DAB1: variants seen among roughly 807,000 people sequenced by gnomAD.
DAB1 encodes DAB adaptor protein 1, also known as disabled homolog 1.
Under a neutral mutation model 64.6 loss-of-function variants are expected in DAB1, and 15 were observed. The ratio of observed to expected loss-of-function variants is 0.23; its 90% CI spans 0.16 to 0.36. DAB1 has a LOEUF of 0.36. DAB1 is among the 10% of genes least tolerant of loss of function. The pLI is 1.00. For missense variants in DAB1, 596 were observed against 706.7 expected (o/e 0.84, Z 1.78); for synonymous variants, 235 against 251.9 (o/e 0.93, Z 0.64).
chr1:57,523,626 A>G (rs1424949750), intron 7 of DAB1, among the ~76,000 whole-genome samples: 1 of 152,186 alleles, frequency 6.6e-6, no homozygotes, highest in Non-Finnish European at 1.5e-5. Flanking sequence ...ACATCCATAA[A>G]AAGGGAACAA....
chr1:58,492,976 T>C (rs1335338812), intron 3 of DAB1, among the ~76,000 whole-genome samples: 1 of 152,134 alleles, frequency 6.6e-6, no homozygotes, highest in Non-Finnish European at 1.5e-5. Flanking sequence ...AAGAGAATTT[T>C]AGACCAATAT....
chr1:58,202,609 T>G (rs1375556595), intron 4 of DAB1, among the ~76,000 whole-genome samples: 2 of 152,268 alleles, frequency 1.3e-5, no homozygotes, highest in African/African-American at 4.8e-5. Context: ...TTTCACAAAG[T>G]TGTGAGAATC....
intron 1 of DAB1, among the ~76,000 whole-genome samples, chr1:57,384,672 G>A (rs957661351): frequency 1.1e-4 from 16 of 152,086 alleles, no homozygotes; most frequent in East Asian, 3.8e-4. Context: ...CTTTTATGAC[G>A]TATCTAGAGT....
At chr1:58,476,389 G>A (rs1187622835) in intron 3 of DAB1, among the ~76,000 whole-genome samples, 1 of 152,108 alleles carries the variant, frequency 6.6e-6, no homozygotes, top group Non-Finnish European at 1.5e-5. Flanking sequence ...CAGCTAGTGT[G>A]GTGAGAACAC....
At chr1:58,368,789 T>C (rs535354918) in intron 3 of DAB1, among the ~76,000 whole-genome samples, 1 of 152,294 alleles carries the variant, frequency 6.6e-6, no homozygotes, top group South Asian at 2.1e-4. Flanking sequence ...GAAACTTCTC[T>C]GTCCACACAT....
At chr1:57,209,328 A>G (rs1277550977) in intron 2 of DAB1, among the ~76,000 whole-genome samples, 2 of 152,232 alleles carry the variant, frequency 1.3e-5, no homozygotes, top group African/African-American at 4.8e-5. Context: ...CTTTAAACAC[A>G]CTGATTTTTC....
intron 4 of DAB1, among the ~76,000 whole-genome samples, chr1:58,287,559 T>C (rs1661716358): frequency 6.7e-6 from 1 of 148,616 alleles, no homozygotes. Flanking sequence ...ACTAGGCATA[T>C]TCATGGGATA....
chr1:58,236,306 A>G (rs914475837), intron 4 of DAB1, among the ~76,000 whole-genome samples: 1 of 152,150 alleles, frequency 6.6e-6, no homozygotes, highest in African/African-American at 2.4e-5. Context: ...ACAGAGGCGC[A>G]CAGTAACAGC....
intron 7 of DAB1, among the ~76,000 whole-genome samples, chr1:57,556,515 T>C (rs897734774): frequency 6.6e-6 from 1 of 152,182 alleles, no homozygotes; most frequent in African/African-American, 2.4e-5. Context: ...TTGATTTGCA[T>C]TTCTCTGCTA....
intron 7 of DAB1, among the ~76,000 whole-genome samples, chr1:57,543,097 A>T (rs965566203): frequency 9.8e-5 from 15 of 152,288 alleles, no homozygotes; most frequent in African/African-American, 3.6e-4. Context: ...AAACCAAGAG[A>T]TCCTAAAACA....
chr1:58,538,808 T>C lies in DAB1; in HGVS notation n.32+7895A>G, dbSNP rs1205593930. The C allele has an allele frequency of 4.9e-6, 4 of 811,416 alleles. No homozygotes were observed. In the Admixed American group the frequency reaches 9.0e-5, roughly 18 times the overall value. 50.3% of individuals were successfully genotyped at this position (811,416 alleles called of 1,614,324 possible). Reference sequence around the variant, plus strand: ...AAAGCATTTTACCTGCCTACAATGATTGCAAATAACTTCTGTACTGGTTTA... The same window carrying C: ...AAAGCATTTTACCTGCCTACAATGACTGCAAATAACTTCTGTACTGGTTTA... On this transcript the variant is annotated intron_variant and non_coding_transcript_variant, in intron 1 of 20. Coordinates refer to the DAB1 transcript ENST00000485760.
At chr1:57,729,344 G>A (rs548194722) in intron 6 of DAB1, among the ~76,000 whole-genome samples, 1 of 152,338 alleles carries the variant, frequency 6.6e-6, no homozygotes, top group East Asian at 1.9e-4. Context: ...TGAGCTCACA[G>A]GGTGTCACAT....
intron 4 of DAB1, among the ~76,000 whole-genome samples, chr1:58,186,144 T>A (rs1170933253): frequency 6.6e-6 from 1 of 152,218 alleles, no homozygotes; most frequent in Non-Finnish European, 1.5e-5. Context: ...GCAGGATCAC[T>A]AGTAAGACTT....
chr1:58,539,257 T>A, intron 1 of DAB1: 1 of 868,094 alleles, frequency 1.2e-6, no homozygotes, highest in Non-Finnish European at 2.0e-6. Context: ...GAAAACATGG[T>A]TTCTAGCAGC....
rs141396148 is a variant in DAB1 at position 57,491,563 on chromosome 1, G to A, written n.625+158029C>T. Among the ~76,000 whole-genome samples the A allele has an allele frequency of 6.2e-4, 95 of 152,276 alleles. 1 individual carries two copies. In the East Asian group the frequency reaches 0.015, roughly 23 times the overall value. ...CAATGGTTGTCATATAGCAGGGAGA[G>A]CTGAAGTCAAGCAAAATGTGGGAAA... On this transcript the variant is annotated intron_variant and non_coding_transcript_variant, in intron 7 of 20. Coordinates refer to the DAB1 transcript ENST00000485760.
chr1:58,347,309 T>C (rs371362188), intron 3 of DAB1, among the ~76,000 whole-genome samples: 5 of 152,280 alleles, frequency 3.3e-5, no homozygotes, highest in Non-Finnish European at 4.4e-5. Context: ...TGTTTCACCA[T>C]GTTAGTCAGG....
intron 7 of DAB1, among the ~76,000 whole-genome samples, chr1:57,557,529 T>C (rs2101495068): frequency 6.6e-6 from 1 of 152,246 alleles, no homozygotes; most frequent in South Asian, 2.1e-4. Flanking sequence ...ATACAAACTT[T>C]GGTATCAGGA....
intron 3 of DAB1, among the ~76,000 whole-genome samples, chr1:58,368,666 T>TGGAC (rs1644237567): frequency 6.6e-6 from 1 of 151,988 alleles, no homozygotes; most frequent in Admixed American, 6.6e-5. Context: ...GGGTAAGGGG[T>TGGAC]GGACTGTAGC....
intron 6 of DAB1, among the ~76,000 whole-genome samples, chr1:57,667,247 C>T (rs963701579): frequency 1.3e-5 from 2 of 152,114 alleles, no homozygotes; most frequent in African/African-American, 4.8e-5. Context: ...TGAAAGATTG[C>T]AGCCCACATT....
Sources: allele counts gnomAD v4.1 joint callset (sites outside exome capture counted in the v4.1 genomes callset), GRCh38; gene constraint gnomAD v4.1.1; transcripts MANE v1.5; gene names NCBI Gene and HGNC (gene_info 2026-07-23, HGNC 2026-07-21).